Variants in CADPS observed in about 807,000 individuals in gnomAD.
The protein encoded by CADPS is calcium-dependent secretion activator 1.
CADPS carries 57 observed loss-of-function variants against 167.3 expected under a neutral mutation model. That is an observed-to-expected ratio of 0.34 (90% CI 0.28 to 0.42). CADPS has a LOEUF of 0.42. Among genes scored for constraint, CADPS ranks in the 20% least tolerant of loss-of-function variants. The pLI is 1.00. For missense variants in CADPS, 1,414 were observed against 1,738.1 expected (o/e 0.81, Z 3.32); for synonymous variants, 676 against 635.3 (o/e 1.06, Z -0.96).
intron 3 of CADPS, among the ~76,000 whole-genome samples, chr3:62,677,751 T>C (rs1257374580): frequency 1.3e-5 from 2 of 152,140 alleles, no homozygotes; most frequent in East Asian, 1.9e-4. Flanking sequence ...ATGTTAATCC[T>C]CTAACTGTTA....
At chr3:62,591,788 C>G (rs1379433737) in intron 7 of CADPS, among the ~76,000 whole-genome samples, 2 of 152,094 alleles carry the variant, frequency 1.3e-5, no homozygotes, top group Non-Finnish European at 1.5e-5. Context: ...TTTTGATTGA[C>G]AAAATAATTG....
At chr3:62,545,445 T>C (rs2076309475) in intron 11 of CADPS, among the ~76,000 whole-genome samples, 1 of 152,100 alleles carries the variant, frequency 6.6e-6, no homozygotes, top group South Asian at 2.1e-4. Context: ...AAAAACATTG[T>C]ATAGCTAGGT....
chr3:62,573,214 C>A (rs1192206010), intron 8 of CADPS, among the ~76,000 whole-genome samples: 2 of 152,110 alleles, frequency 1.3e-5, no homozygotes, highest in Non-Finnish European at 2.9e-5. Context: ...CCCTAGAGTA[C>A]CTATAATACT....
In CADPS at chr3:62,631,215, T is replaced by C. The variant is rs545724357; in HGVS notation, c.1325+14507A>G. Among the ~76,000 whole-genome samples the C allele has an allele frequency of 7.9e-5, 12 of 152,248 alleles. No homozygotes were observed. The South Asian group carries it at 1.4e-3, about 18-fold the overall frequency. On this transcript the variant is annotated intron_variant, in intron 6 of 29. Coordinates refer to ENST00000383710, the MANE Select transcript of CADPS (RefSeq NM_003716.4). ...AAAATTTAGGTGGTAGGTAATGAAGTTGGTAGTTAATCTGAGTTTACTGTA... is the reference window on the plus strand; with the variant it reads ...AAAATTTAGGTGGTAGGTAATGAAGCTGGTAGTTAATCTGAGTTTACTGTA...
intron 1 of CADPS, among the ~76,000 whole-genome samples, chr3:62,805,171 C>T (rs994278101): frequency 6.6e-6 from 1 of 152,150 alleles, no homozygotes; most frequent in South Asian, 2.1e-4. Context: ...CCTGACACTG[C>T]AGAATGTTCC....
chr3:62,860,936 G>T lies in CADPS; in HGVS notation c.441+13653C>A, dbSNP rs368606952. Among the ~76,000 whole-genome samples the T allele has an allele frequency of 2.6e-4, 39 of 152,206 alleles. No individual in the cohort carries two copies. The East Asian group carries it at 5.0e-3, about 20-fold the overall frequency. The stretch of plus-strand genomic sequence containing the variant: ...CCTATGCAAATTTAGGTTGGTTTGG[G>T]GGATGAAATCATGTTGGAGAAAGGA... On this transcript the variant is annotated intron_variant, in intron 1 of 29. Coordinates refer to ENST00000383710, the MANE Select transcript of CADPS (RefSeq NM_003716.4).
intron 3 of CADPS, among the ~76,000 whole-genome samples, chr3:62,715,441 G>T (rs1414432256): frequency 6.7e-6 from 1 of 148,938 alleles, no homozygotes; most frequent in Non-Finnish European, 1.5e-5. Context: ...TTTTGCTGGG[G>T]AATTAAACAT....
At chr3:62,808,285 C>A (rs2094210602) in intron 1 of CADPS, among the ~76,000 whole-genome samples, 1 of 151,662 alleles carries the variant, frequency 6.6e-6, no homozygotes, top group Admixed American at 6.6e-5. Flanking sequence ...AACTGAGGTA[C>A]AAGATTTTGA....
chr3:62,595,075 C>T (rs2058725657), intron 6 of CADPS, among the ~76,000 whole-genome samples: 1 of 152,002 alleles, frequency 6.6e-6, no homozygotes, highest in Non-Finnish European at 1.5e-5. Context: ...CTCAGTGTTG[C>T]CTTCAATCAA....
intron 3 of CADPS, among the ~76,000 whole-genome samples, chr3:62,676,634 G>C (rs1222373193): frequency 1.3e-5 from 2 of 152,112 alleles, no homozygotes; most frequent in Non-Finnish European, 2.9e-5. Context: ...TGTTGATGGT[G>C]TTTCACCTCC....
At chr3:62,461,350 C>T (rs2059327355) in intron 26 of CADPS, among the ~76,000 whole-genome samples, 1 of 152,140 alleles carries the variant, frequency 6.6e-6, no homozygotes. Context: ...GTACCTTGTT[C>T]CAGGTCACAC....
chr3:62,544,766 TA>T lies in CADPS; in HGVS notation c.1966+5136del. On this transcript the variant is annotated intron_variant, in intron 11 of 29. Coordinates refer to ENST00000383710, the MANE Select transcript of CADPS (RefSeq NM_003716.4). The surrounding 1 kb of genome is among the most constrained non-coding windows in gnomAD (Gnocchi z 4.4). ...ACAAATTCTAGACATGAGGAAGATT[TA>T]AGGGGGAGGGAAGCACATTGCAGGT... is the stretch of plus-strand genomic sequence containing the variant. The T allele has an allele frequency of 1.5e-6, 1 of 646,754 alleles. No homozygotes were observed. The highest frequency in any genetic ancestry group is 2.1e-6 in the Non-Finnish European group (1 of 487,652). 40.1% of individuals were successfully genotyped at this position (646,754 alleles called of 1,614,324 possible).
intron 6 of CADPS, among the ~76,000 whole-genome samples, chr3:62,612,129 A>C (rs1384286383): frequency 6.6e-6 from 1 of 152,206 alleles, no homozygotes; most frequent in African/African-American, 2.4e-5. Flanking sequence ...ACTTTCATTC[A>C]TTATGTATAG....
intron 1 of CADPS, among the ~76,000 whole-genome samples, chr3:62,864,302 G>A (rs1352089088): frequency 6.6e-6 from 1 of 152,224 alleles, no homozygotes; most frequent in Non-Finnish European, 1.5e-5. Flanking sequence ...CAAATTTTAA[G>A]TGTAGAGATG....
chr3:62,857,213 A>C (rs76511483), intron 1 of CADPS, among the ~76,000 whole-genome samples: 10 of 152,132 alleles, frequency 6.6e-5, no homozygotes, highest in Non-Finnish European at 1.0e-4. Context: ...TATGTAAAAA[A>C]GAAATGCAAA....
At chr3:62,663,748 G>A (rs1052907213) in intron 3 of CADPS, among the ~76,000 whole-genome samples, 2 of 151,914 alleles carry the variant, frequency 1.3e-5, no homozygotes, top group Admixed American at 6.6e-5. Context: ...AACCTTCTTT[G>A]GTTTATTTTA....
chr3:62,525,389 G>A (rs2071813803), intron 13 of CADPS, among the ~76,000 whole-genome samples: 1 of 152,002 alleles, frequency 6.6e-6, no homozygotes, highest in Non-Finnish European at 1.5e-5. Context: ...AGTAAAGCTG[G>A]CTCCTTAGAA....
At chr3:62,636,787 C>T (rs1054705334) in intron 6 of CADPS, among the ~76,000 whole-genome samples, 1 of 152,204 alleles carries the variant, frequency 6.6e-6, no homozygotes, top group African/African-American at 2.4e-5. Context: ...GAAGACGACT[C>T]ATGGAGGATG....
chr3:62,843,244 T>C (rs1292541629), intron 1 of CADPS, among the ~76,000 whole-genome samples: 1 of 152,158 alleles, frequency 6.6e-6, no homozygotes, highest in Non-Finnish European at 1.5e-5. Flanking sequence ...AACATTTCAG[T>C]GAAGGTTAAT....
Sources: gnomAD v4.1 joint callset for allele counts (sites outside exome capture counted in the v4.1 genomes callset) on GRCh38, gnomAD v4.1.1 for gene constraint, Gnocchi (gnomAD v3.1) non-coding constraint, MANE v1.5 for transcripts, NCBI Gene and HGNC (gene_info 2026-07-23, HGNC 2026-07-21) for gene names.